LRRD1: variants seen among roughly 807,000 people sequenced by gnomAD.
LRRD1 encodes leucine rich repeats and death domain containing 1, also known as leucine-rich repeat and death domain-containing protein 1.
Under a neutral mutation model 69.5 loss-of-function variants are expected in LRRD1, and 49 were observed. That is an observed-to-expected ratio of 0.70 (90% CI 0.56 to 0.89). The LOEUF (loss-of-function observed/expected upper bound fraction) is 0.89. Ranked by LOEUF, LRRD1 falls within the 40% of genes least tolerant of loss-of-function variation. LRRD1 has a pLI of 0.00. For synonymous variants in LRRD1, 303 were observed against 338.9 expected, an observed-to-expected ratio of 0.89 and a Z score of 1.16; for missense variants, 853 against 956.0, an observed-to-expected ratio of 0.89 and a Z score of 1.42.
chr7:92,174,511 T>TATATATATA (rs1563195897), intron 1 of LRRD1, among the ~76,000 whole-genome samples: 3 of 26,694 alleles, frequency 1.1e-4, no homozygotes, highest in African/African-American at 1.5e-4. Flanking sequence ...ATATATATAT[T>TATATATATA]TTTTTTTTTT....
chr7:92,152,558 T>A (rs1222228845), intron 3 of LRRD1, among the ~76,000 whole-genome samples: 1 of 152,210 alleles, frequency 6.6e-6, no homozygotes, highest in Non-Finnish European at 1.5e-5. Flanking sequence ...TATAAGAAAC[T>A]ACCAAACTTT....
At position 92,157,537 on chromosome 7, in the gene LRRD1, C is replaced by CTCCTTCCT. The variant is rs34688200; in HGVS notation, c.2116+1460_2116+1467dup. Among the ~76,000 whole-genome samples, 425 of 149,432 alleles carry CTCCTTCCT rather than the reference C, an allele frequency of 2.8e-3. 4 individuals are homozygous for CTCCTTCCT. The highest frequency in any genetic ancestry group is 9.9e-3 in the African/African-American group (399 of 40,418). The stretch of plus-strand genomic sequence containing the variant: ...AGAATTTTTTAAATTGGCATTGTTT[C>CTCCTTCCT]TCCTTCCTTCCTTCCTTCCTTTCTT... On this transcript the variant is annotated intron_variant, in intron 3 of 5. Transcript: ENST00000458448.
In LRRD1 at chr7:92,163,510, A is replaced by T. The variant is rs1279481517; in HGVS notation, c.1693T>A (p.Cys565Ser). 6.6e-7 allele frequency: 1 copy of T among 1,524,272 alleles called. No homozygotes were observed. Among genetic ancestry groups the T allele is most frequent in the East Asian group, 2.5e-5 (1 of 40,688 alleles). The allele number at this position is 1,524,272 out of a possible 1,614,324, so 94.4% of individuals were successfully genotyped here. The change falls in exon 2 of 6, where the codon TGT becomes AGT. Residue 565 changes from cysteine (C) to serine (S), a missense_variant. Cys to Ser is a moderately radical substitution (Grantham distance 112, BLOSUM62 -1). Coordinates refer to ENST00000458448, the MANE Select transcript of LRRD1 (RefSeq NM_001161528.2). ...CTAGGGAAAGTTTCAAATTTATTAC[A>T]GCATAAAATAAGTACGTGGAGTGAT... ...MISLHVLILC[C>S]NKFETFPREL... is the part of the protein sequence containing the mutation.
chr7:92,162,453 T>G (rs1336439265), intron 2 of LRRD1, among the ~76,000 whole-genome samples: 1 of 152,204 alleles, frequency 6.6e-6, no homozygotes, highest in African/African-American at 2.4e-5. Flanking sequence ...AATAGCTGTG[T>G]TCTTTTCATT....
rs1012130876 is a variant in LRRD1, at chr7:92,163,686, A to G, written c.1517T>C (p.Ile506Thr). The change falls in exon 2 of 6, where the codon ATA (isoleucine) becomes ACA (threonine). Residue 506 changes from isoleucine (I) to threonine (T), a missense_variant. Transcript: ENST00000458448. ...GNYISEIPVD[I>T]SFSKQLLHLE... ...ATGAAGCAGTTGTTTACTGAAAGAT[A>G]TATCCACAGGTATTTCTGAAATATA... The G allele has an allele frequency of 2.0e-6, 3 of 1,499,074 alleles. No individual in the cohort carries two copies. In the Admixed American group the frequency reaches 7.8e-5, roughly 39 times the overall value. The allele number at this position is 1,499,074 out of a possible 1,614,324, so 92.9% of individuals were successfully genotyped here.
At chr7:92,157,907 G>C (rs1463921721) in intron 3 of LRRD1, among the ~76,000 whole-genome samples, 1 of 151,912 alleles carries the variant, frequency 6.6e-6, no homozygotes, top group Admixed American at 6.6e-5. Context: ...TGAAATACTT[G>C]AAAGAATTCA....
intron 4 of LRRD1, among the ~76,000 whole-genome samples, chr7:92,147,475 GTTTTGT>G (rs1011708527): frequency 5.6e-5 from 1 of 17,744 alleles, no homozygotes; most frequent in African/African-American, 1.9e-4. Flanking sequence ...GCGTGGGTGT[GTTTTGT>G]TTTGTTTTGT....
chr7:92,159,171 C>T lies in LRRD1; in HGVS notation c.1950G>A (p.Met650Ile). ...AGATATCAAGTTCTTTAAGTTGAGT[C>T]ATATTAGATAGCTCTCCTGGAAGTC... Reference protein sequence around the residue: ...LTRLPGELSNMTQLKELDISN... With the variant: ...LTRLPGELSNITQLKELDISN... The change falls in exon 3 of 6, where the codon ATG (methionine) becomes ATA (isoleucine). Residue 650 changes from methionine (M) to isoleucine (I), a missense_variant. Coordinates refer to ENST00000458448, the MANE Select transcript of LRRD1 (RefSeq NM_001161528.2). 1 of 1,528,488 alleles carries T rather than the reference C, an allele frequency of 6.5e-7. No individual in the cohort carries two copies. Among genetic ancestry groups the T allele is most frequent in the Non-Finnish European group, 8.8e-7 (1 of 1,139,158 alleles). The allele number at this position is 1,528,488 out of a possible 1,614,324, so 94.7% of individuals were successfully genotyped here.
At chr7:92,150,392 G>C in intron 4 of LRRD1, 142 bp downstream of exon 4, 1 of 623,092 alleles carries the variant, frequency 1.6e-6, no homozygotes, top group Non-Finnish European at 2.5e-6. Context: ...TTGAGCCCAG[G>C]AGTCCGAGGC....
chr7:92,162,866 G>A (rs1788819531), intron 2 of LRRD1, among the ~76,000 whole-genome samples: 1 of 152,054 alleles, frequency 6.6e-6, no homozygotes, highest in Non-Finnish European at 1.5e-5. Flanking sequence ...ATGCATAACG[G>A]GAAAAAAGAC....
In LRRD1 at chr7:92,163,294, C is replaced by G; in HGVS notation, c.1909G>C (p.Gly637Arg). 8 of 1,464,898 alleles carry G rather than the reference C, an allele frequency of 5.5e-6. No individual in the cohort carries two copies. The highest frequency in any genetic ancestry group is 2.8e-5 in the Admixed American group (1 of 36,158). The allele number at this position is 1,464,898 out of a possible 1,614,324, so 90.7% of individuals were successfully genotyped here. The change falls in exon 2 of 6, where the codon GGG becomes CGG. Residue 637 changes from glycine to arginine, a missense_variant. This residue lies in a region of LRRD1 where 739 missense variants were observed against 808.0 expected (regional missense o/e 0.91). Coordinates refer to ENST00000458448, the MANE Select transcript of LRRD1 (RefSeq NM_001161528.2). ...LEQLNISQIK[G>R]RKLTRLPGEL... ...CAATACCAGTCTCTTACCTTTCTCC[C>G]TTTTATCTGACTTATATTCAGCTGT...
intron 1 of LRRD1, among the ~76,000 whole-genome samples, chr7:92,171,603 G>T (rs1035744175): frequency 6.6e-6 from 1 of 152,028 alleles, no homozygotes; most frequent in Admixed American, 6.6e-5. Flanking sequence ...ATTTAAAAAA[G>T]AATTAATGCC....
chr7:92,159,615 C>G (rs913693429), intron 2 of LRRD1, among the ~76,000 whole-genome samples: 1 of 134,386 alleles, frequency 7.4e-6, no homozygotes, highest in Non-Finnish European at 1.6e-5. Flanking sequence ...GTCCTATCAA[C>G]ATTGCTTTTT....
At chr7:92,161,629 A>C (rs1257847006) in intron 2 of LRRD1, among the ~76,000 whole-genome samples, 1 of 152,236 alleles carries the variant, frequency 6.6e-6, no homozygotes, top group Non-Finnish European at 1.5e-5. Flanking sequence ...GCTTTTTCAG[A>C]GGAAAAATAA....
rs1295993038 is a variant in LRRD1, at chr7:92,164,429, G to C, written c.774C>G (p.Asn258Lys). The change falls in exon 2 of 6, where the codon AAC (asparagine) becomes AAG (lysine). Residue 258 changes from asparagine to lysine, a missense_variant. Transcript: ENST00000458448. ...NFPSDLECLG[N>K]LEILSLGKNK... ...TTTTACCCAAACTTAAAATTTCCAA[G>C]TTTCCAAGACATTCTAAGTCAGAAG... The C allele has an allele frequency of 5.2e-6, 8 of 1,548,604 alleles. No individual in the cohort carries two copies. Among genetic ancestry groups the C allele is most frequent in the Admixed American group, 2.0e-5 (1 of 50,188 alleles).
chr7:92,156,206 C>A (rs1432624102), intron 3 of LRRD1, among the ~76,000 whole-genome samples: 1 of 152,226 alleles, frequency 6.6e-6, no homozygotes, highest in Non-Finnish European at 1.5e-5. Flanking sequence ...GTCTTCATGA[C>A]TATAGTTTTG....
Position 92,150,650 on chromosome 7 carries a change from G to GA in LRRD1, c.2161dup (p.Ser721PhefsTer8). The GA allele has an allele frequency of 4.5e-6, 7 of 1,549,732 alleles. No homozygotes were observed. The highest frequency in any genetic ancestry group is 6.1e-6 in the Non-Finnish European group (7 of 1,145,434). On this transcript the variant is annotated frameshift_variant, in exon 4 of 6. Coordinates refer to ENST00000458448, the MANE Select transcript of LRRD1 (RefSeq NM_001161528.2). LOFTEE classifies it high-confidence loss of function. Reference sequence around the variant, plus strand: ...GTCATCAAAATTTATCTCCTTCAGTGAAAAAATATTGTAGATAGCACTAGG... The same window carrying GA: ...GTCATCAAAATTTATCTCCTTCAGTGAAAAAAATATTGTAGATAGCACTAGG...
intron 1 of LRRD1, among the ~76,000 whole-genome samples, chr7:92,167,270 G>GT (rs961733507): frequency 4.0e-5 from 6 of 151,124 alleles, no homozygotes; most frequent in African/African-American, 1.5e-4. Context: ...TAATTTTTGC[G>GT]TTTTTAGTAG....
In LRRD1 at chr7:92,163,734, T is replaced by A. The variant is rs963727396; in HGVS notation, c.1469A>T (p.Tyr490Phe). Residue 490 changes from tyrosine (Y) to phenylalanine (F), a missense_variant, in exon 2 of 6, where the codon TAT becomes TTT. By Grantham distance (22) the Tyr-to-Phe change is conservative. Coordinates refer to ENST00000458448, the MANE Select transcript of LRRD1 (RefSeq NM_001161528.2). Reference sequence around the variant, plus strand: ...ATAATTTCCATTAACACTCAAATAATAAAGAGAATCTAAAGCACACAGTCC... The same window carrying A: ...ATAATTTCCATTAACACTCAAATAAAAAAGAGAATCTAAAGCACACAGTCC... ...PLGLCALDSL[Y>F]YLSVNGNYIS... is the part of the protein sequence containing the mutation. 4.6e-6 allele frequency: 7 copies of A among 1,509,762 alleles called. No individual in the cohort carries two copies. In the African/African-American group the frequency reaches 8.5e-5, roughly 18 times the overall value. 93.5% of individuals were successfully genotyped at this position (1,509,762 alleles called of 1,614,324 possible). A position where few individuals can be genotyped will look rare whatever the true frequency, so the allele number is the denominator to read the frequency against.
Sources: allele counts gnomAD v4.1 joint callset (sites outside exome capture counted in the v4.1 genomes callset), GRCh38; gene constraint gnomAD v4.1.1; regional missense constraint gnomAD v4.1.1; transcripts MANE v1.5; gene names NCBI Gene and HGNC (gene_info 2026-07-23, HGNC 2026-07-21).